The following CAMSAP2 variants were observed in gnomAD, a reference collection of about 807,000 sequenced individuals.
CAMSAP2 encodes calmodulin regulated spectrin associated protein family member 2, also known as calmodulin-regulated spectrin-associated protein 2.
CAMSAP2 carries 26 observed loss-of-function variants against 146.1 expected under a neutral mutation model. The observed-to-expected ratio is 0.18, with a 90% confidence interval of 0.13 to 0.25. CAMSAP2 has a LOEUF of 0.25. CAMSAP2 is among the 10% of genes least tolerant of loss of function. The pLI is 1.00. For synonymous variants in CAMSAP2, 499 were observed against 596.6 expected, an observed-to-expected ratio of 0.84 and a Z score of 2.38; for missense variants, 1,381 against 1,759.3, an observed-to-expected ratio of 0.78 and a Z score of 3.85.
chr1:200,739,741 C>T lies in CAMSAP2; in HGVS notation c.-87C>T, dbSNP rs1289542092. Reference sequence around the variant, plus strand: ...CCCGGGCCCCGATGGTTTGAGCTTGCTTCTCCCTCCCTCCCGACCCCCGTG... The same window carrying T: ...CCCGGGCCCCGATGGTTTGAGCTTGTTTCTCCCTCCCTCCCGACCCCCGTG... On this transcript the variant is annotated 5_prime_UTR_variant, in exon 1 of 17. Transcript: ENST00000358823. This position sits in a 1 kb window ranked among gnomAD's most constrained non-coding sequence, Gnocchi z 4.8. 1 of 1,387,752 alleles carries T rather than the reference C, an allele frequency of 7.2e-7. No homozygotes were observed. The highest frequency in any genetic ancestry group is 9.7e-7 in the Non-Finnish European group (1 of 1,026,660). 86.0% of individuals were successfully genotyped at this position (1,387,752 alleles called of 1,614,324 possible).
chr1:200,774,547 C>T (rs903186761), intron 2 of CAMSAP2, among the ~76,000 whole-genome samples: 2 of 152,090 alleles, frequency 1.3e-5, no homozygotes, highest in Admixed American at 6.6e-5. Context: ...ATATTAAAAA[C>T]GTAACTAGAG....
At chr1:200,767,782 A>C (rs570906110) in intron 2 of CAMSAP2, among the ~76,000 whole-genome samples, 2 of 152,312 alleles carry the variant, frequency 1.3e-5, no homozygotes, top group African/African-American at 4.8e-5. Flanking sequence ...CTTCATGCAC[A>C]GTGCTAGAAC....
intron 2 of CAMSAP2, among the ~76,000 whole-genome samples, chr1:200,795,957 C>G (rs1458137688): frequency 2.6e-5 from 4 of 152,108 alleles, no homozygotes; most frequent in Non-Finnish European, 4.4e-5. Flanking sequence ...ACATATCTAA[C>G]CAGGGAGGTC....
intron 6 of CAMSAP2, among the ~76,000 whole-genome samples, chr1:200,840,524 C>CA (rs1296234309): frequency 6.6e-6 from 1 of 152,134 alleles, no homozygotes; most frequent in East Asian, 1.9e-4. Context: ...TCAGCCTCCT[C>CA]AAGCACTGGG....
Position 200,849,940 on chromosome 1 carries a change from A to G in CAMSAP2, c.3171A>G (p.Pro1057=), listed in dbSNP as rs770659931. Residue 1057 remains proline, a synonymous_variant, in exon 11 of 17, where the codon CCA becomes CCG. Transcript: ENST00000358823. The surrounding 1 kb of genome is among the most constrained non-coding windows in gnomAD (Gnocchi z 6.3). ...CTTTGGAACAGCGTGGACATAATCC[A>G]GAAGAAAAGGAAATCAAACCTTTTG... is the stretch of plus-strand genomic sequence containing the variant. ...KGTLEQRGHN[P]EEKEIKPFES... 2 of 1,614,204 alleles carry G rather than the reference A, an allele frequency of 1.2e-6. No individual in the cohort carries two copies. Among genetic ancestry groups the G allele is most frequent in the East Asian group, 2.2e-5 (1 of 44,886 alleles).
intron 10 of CAMSAP2, 29 bp from the exon 11 acceptor site, chr1:200,848,003 A>G: frequency 2.9e-6 from 4 of 1,392,372 alleles, no homozygotes; most frequent in Non-Finnish European, 3.9e-6. Context: ...AGGATTTTTA[A>G]AGGATTTTTC....
intron 2 of CAMSAP2, among the ~76,000 whole-genome samples, chr1:200,774,938 A>T (rs1392273463): frequency 1.3e-5 from 2 of 152,198 alleles, no homozygotes; most frequent in Non-Finnish European, 2.9e-5. Context: ...TGGTTACGGG[A>T]TGTAGTAATG....
chr1:200,811,107 C>A (rs1277777055), intron 3 of CAMSAP2, among the ~76,000 whole-genome samples: 2 of 152,124 alleles, frequency 1.3e-5, no homozygotes, highest in Non-Finnish European at 1.5e-5. Context: ...ATTTTTCTGT[C>A]CTTAATTTAA....
rs780578296 is a variant in CAMSAP2 at position 200,853,293 on chromosome 1, A to G, written c.3621A>G (p.Glu1207=). The G allele has an allele frequency of 1.9e-6, 3 of 1,613,238 alleles. No homozygotes were observed. Among genetic ancestry groups the G allele is most frequent in the South Asian group, 2.2e-5 (2 of 91,034 alleles). The part of the protein sequence containing the change: ...KEETRRKTEE[E]RQKKEDERAR... ...TTCTTAGGCGTAAAACTGAGGAAGAACGTCAGAAGAAAGAAGATGAGAGAG... is the reference window on the plus strand; with the variant it reads ...TTCTTAGGCGTAAAACTGAGGAAGAGCGTCAGAAGAAAGAAGATGAGAGAG... Residue 1207 remains glutamate, a synonymous_variant, in exon 13 of 17, where the codon GAA becomes GAG. Coordinates refer to ENST00000358823, the MANE Select transcript of CAMSAP2 (RefSeq NM_203459.4). The surrounding 1 kb of genome is among the most constrained non-coding windows in gnomAD (Gnocchi z 5.1).
intron 1 of CAMSAP2, among the ~76,000 whole-genome samples, chr1:200,756,224 G>A (rs912223751): frequency 3.9e-5 from 6 of 152,072 alleles, no homozygotes; most frequent in Non-Finnish European, 8.8e-5. Flanking sequence ...AGGCCAAGGC[G>A]GGCAGATCAT....
At position 200,832,119 on chromosome 1, in the gene CAMSAP2, C is replaced by T; in HGVS notation, c.646-81C>T. ...CTCATGATTTATTTTATTACTGGTA[C>T]ATTAGAATTTACAGTACTGATTTTT... On this transcript the variant is annotated intron_variant, in intron 4 of 16. Coordinates refer to ENST00000358823, the MANE Select transcript of CAMSAP2 (RefSeq NM_203459.4). This position sits in a 1 kb window ranked among gnomAD's most constrained non-coding sequence, Gnocchi z 4.2. 4 of 1,057,654 alleles carry T rather than the reference C, an allele frequency of 3.8e-6. No individual in the cohort carries two copies. The highest frequency in any genetic ancestry group is 1.7e-5 in the South Asian group (1 of 58,212). The allele number at this position is 1,057,654 out of a possible 1,614,324, so 65.5% of individuals were successfully genotyped here. A position where few individuals can be genotyped will look rare whatever the true frequency, so the allele number is the denominator to read the frequency against.
At chr1:200,794,514 C>T (rs563062697) in intron 2 of CAMSAP2, among the ~76,000 whole-genome samples, 1 of 152,238 alleles carries the variant, frequency 6.6e-6, no homozygotes, top group South Asian at 2.1e-4. Context: ...ACTGCTAGGC[C>T]CTTAACTCAT....
In CAMSAP2 at chr1:200,857,498, C is replaced by T. The variant is rs1320931619; in HGVS notation, c.4131+74C>T. The T allele has an allele frequency of 9.8e-7, 1 of 1,023,702 alleles. No homozygotes were observed. 63.4% of individuals were successfully genotyped at this position (1,023,702 alleles called of 1,614,324 possible). A position where few individuals can be genotyped will look rare whatever the true frequency, so the allele number is the denominator to read the frequency against. On this transcript the variant is annotated intron_variant, in intron 16 of 16. Transcript: ENST00000358823. The surrounding 1 kb of genome is among the most constrained non-coding windows in gnomAD (Gnocchi z 4.7). ...TTATCCATTCAAGAGAATGTACTCTCATGGGCCTAGACTTTCAACAGCATG... is the reference window on the plus strand; with the variant it reads ...TTATCCATTCAAGAGAATGTACTCTTATGGGCCTAGACTTTCAACAGCATG...
chr1:200,755,896 A>G (rs1310337526), intron 1 of CAMSAP2, among the ~76,000 whole-genome samples: 1 of 152,182 alleles, frequency 6.6e-6, no homozygotes, highest in East Asian at 1.9e-4. Context: ...TGAGGAGGTT[A>G]CATTTAACTG....
chr1:200,753,397 G>C (rs1197170748), intron 1 of CAMSAP2, among the ~76,000 whole-genome samples: 1 of 151,594 alleles, frequency 6.6e-6, no homozygotes, highest in Admixed American at 6.6e-5. Flanking sequence ...CCAAACTTTT[G>C]CCTGTGTGTC....
chr1:200,857,594 G>A lies in CAMSAP2; in HGVS notation c.4132-160G>A. 1.2e-6 allele frequency: 1 copy of A among 809,982 alleles called. No homozygotes were observed. Among genetic ancestry groups the A allele is most frequent in the Non-Finnish European group, 1.9e-6 (1 of 523,230 alleles). The allele number at this position is 809,982 out of a possible 1,614,324, so 50.2% of individuals were successfully genotyped here. A position where few individuals can be genotyped will look rare whatever the true frequency, so the allele number is the denominator to read the frequency against. ...TTTTCACATTAGGTTCTGGAAGCCT[G>A]CAGATTTTATTAAAGACTAGCAATA... On this transcript the variant is annotated intron_variant, in intron 16 of 16. Coordinates refer to ENST00000358823, the MANE Select transcript of CAMSAP2 (RefSeq NM_203459.4). This position sits in a 1 kb window ranked among gnomAD's most constrained non-coding sequence, Gnocchi z 4.7.
At chr1:200,817,182 ACACACACATG>A (rs1666600206) in intron 4 of CAMSAP2, among the ~76,000 whole-genome samples, 1 of 56,604 alleles carries the variant, frequency 1.8e-5, no homozygotes, top group African/African-American at 8.7e-5. Context: ...GTATATACAC[ACACACACATG>A]TGTGTGTGTA....
chr1:200,855,905 AT>A, intron 14 of CAMSAP2, 104 bp from the exon 15 acceptor site: 1 of 750,490 alleles, frequency 1.3e-6, no homozygotes, highest in East Asian at 2.5e-5. Context: ...TTATCATATT[AT>A]TTTTAGGCCT....
In CAMSAP2 at chr1:200,849,495, T is replaced by C; in HGVS notation, c.2726T>C (p.Met909Thr). The change falls in exon 11 of 17, where the codon ATG becomes ACG. Residue 909 changes from methionine to threonine, a missense_variant. Met to Thr is a moderately conservative substitution (Grantham distance 81, BLOSUM62 -1). Coordinates refer to ENST00000358823, the MANE Select transcript of CAMSAP2 (RefSeq NM_203459.4). This position sits in a 1 kb window ranked among gnomAD's most constrained non-coding sequence, Gnocchi z 6.3. ...QRLSLQQEMLMQMREQQSWVI... is the reference protein window; with the variant it reads ...QRLSLQQEMLTQMREQQSWVI... The stretch of plus-strand genomic sequence containing the variant: ...TTGTCACTTCAGCAGGAGATGTTAA[T>C]GCAGATGAGAGAGCAACAATCTTGG... The C allele has an allele frequency of 1.2e-6, 2 of 1,614,226 alleles. No homozygotes were observed. Among genetic ancestry groups the C allele is most frequent in the African/African-American group, 1.3e-5 (1 of 75,052 alleles).
Sources: gnomAD v4.1 joint callset for allele counts (sites outside exome capture counted in the v4.1 genomes callset) on GRCh38, gnomAD v4.1.1 for gene constraint, Gnocchi (gnomAD v3.1) non-coding constraint, MANE v1.5 for transcripts, NCBI Gene and HGNC (gene_info 2026-07-23, HGNC 2026-07-21) for gene names.